The following KNDC1 variants were observed in gnomAD, a reference collection of about 807,000 sequenced individuals.
The protein encoded by KNDC1 is kinase non-catalytic C-lobe domain containing 1.
A neutral mutation model predicts 172.8 loss-of-function variants in KNDC1; 106 were observed. The observed-to-expected ratio is 0.61, with a 90% CI of 0.52 to 0.72. The LOEUF (loss-of-function observed/expected upper bound fraction) is 0.72, where lower values mean the gene tolerates loss of function less well. KNDC1 is among the 30% of genes least tolerant of loss of function. The pLI, the probability that KNDC1 is intolerant of heterozygous loss-of-function variation, is 0.00. For missense variants in KNDC1, 2,325 were observed against 2,394.5 expected (o/e 0.97, Z 0.61); for synonymous variants, 1,083 against 1,062.2 (o/e 1.02, Z -0.38).
chr10:133,202,338 C>A, intron 17 of KNDC1: 1 of 464,050 alleles, frequency 2.2e-6, no homozygotes, highest in Non-Finnish European at 4.3e-6. Context: ...GTCGCTGCAG[C>A]CTGGTCCGGG....
At chr10:133,194,956 C>T (rs1277217442) in intron 9 of KNDC1, among the ~76,000 whole-genome samples, 1 of 152,176 alleles carries the variant, frequency 6.6e-6, no homozygotes, top group African/African-American at 2.4e-5. Flanking sequence ...GAGGGGTGCC[C>T]CGAATTCCAG....
At chr10:133,200,597 G>A in intron 16 of KNDC1, 137 bp downstream of exon 16, 1 of 697,606 alleles carries the variant, frequency 1.4e-6, no homozygotes, top group Non-Finnish European at 2.1e-6. Flanking sequence ...CCCCGGGGGT[G>A]CCCAGCCAAA....
chr10:133,207,124 C>T lies in KNDC1; in HGVS notation c.3580-13C>T, dbSNP rs1293302759. 6 of 1,572,582 alleles carry T rather than the reference C, an allele frequency of 3.8e-6. No individual in the cohort carries two copies. The African/African-American group carries it at 8.1e-5, about 21-fold the overall frequency. ...GGGCAGAGTGACCAAGCGCCCGTGT[C>T]CCGCTCCGGCAGGTCATGTACGCGG... On this transcript the variant is annotated splice_polypyrimidine_tract_variant and intron_variant, in intron 19 of 29. Coordinates refer to ENST00000304613, the MANE Select transcript of KNDC1 (RefSeq NM_152643.8).
At chr10:133,199,292 G>C in intron 14 of KNDC1, 26 bp downstream of exon 14, 3 of 1,541,872 alleles carry the variant, frequency 1.9e-6, no homozygotes, top group Non-Finnish European at 2.6e-6. Context: ...AGACGCCCCA[G>C]AGGAGGCCCG....
intron 1 of KNDC1, among the ~76,000 whole-genome samples, chr10:133,162,025 C>G (rs1191073213): frequency 6.6e-6 from 1 of 152,210 alleles, no homozygotes; most frequent in African/African-American, 2.4e-5. Flanking sequence ...GCCGGCCGGA[C>G]AGCTCCCGGC....
At chr10:133,162,018 G>C (rs921768342) in intron 1 of KNDC1, among the ~76,000 whole-genome samples, 1 of 152,160 alleles carries the variant, frequency 6.6e-6, no homozygotes, top group African/African-American at 2.4e-5. Context: ...TCCTCGGGCC[G>C]GCCGGACAGC....
intron 10 of KNDC1, 113 bp from the exon 11 acceptor site, chr10:133,196,945 C>A: frequency 1.2e-6 from 1 of 803,092 alleles, no homozygotes; most frequent in Non-Finnish European, 2.1e-6. Context: ...TGAGAACAAA[C>A]AGGAAACCCT....
chr10:133,180,874 G>T (rs189890249), intron 3 of KNDC1, among the ~76,000 whole-genome samples: 1 of 152,380 alleles, frequency 6.6e-6, no homozygotes, highest in East Asian at 1.9e-4. Flanking sequence ...TTACAAAAAT[G>T]CAAATTAACT....
chr10:133,198,858 G>A lies in KNDC1; in HGVS notation c.2350G>A (p.Ala784Thr), dbSNP rs369712730. The part of the protein sequence containing the change: ...SSAAPGSPVP[A>T]PPTKASALPV... ...GGCAGCTCCCGGCTCTCCAGTCCCC[G>A]CCCCGCCCACGAAGGCATCTGCGCT... The change falls in exon 14 of 30, where the codon GCC becomes ACC. Residue 784 changes from alanine to threonine, a missense_variant. By Grantham distance (58) the Ala-to-Thr change is moderately conservative (BLOSUM62 0). Transcript: ENST00000304613. 6.1e-5 allele frequency: 98 copies of A among 1,598,346 alleles called. 1 individual carries two copies. Among genetic ancestry groups the A allele is most frequent in the South Asian group, 5.4e-4 (48 of 89,700 alleles).
rs1442223583 is a variant in KNDC1, at chr10:133,200,478, C to G, written c.2989+18C>G. 3.3e-6 allele frequency: 5 copies of G among 1,509,054 alleles called. No homozygotes were observed. In the Admixed American group the frequency reaches 1.1e-4, roughly 33 times the overall value. 93.5% of individuals were successfully genotyped at this position (1,509,054 alleles called of 1,614,324 possible). On this transcript the variant is annotated intron_variant, in intron 16 of 29. Transcript: ENST00000304613. ...CCGCCTGGGTAAGTGCTGGGCGGGC[C>G]CCGCGGCAGGAGCTCTGCTGGGCGG...
chr10:133,188,297 T>C (rs1853977036), intron 6 of KNDC1, among the ~76,000 whole-genome samples: 1 of 152,172 alleles, frequency 6.6e-6, no homozygotes, highest in South Asian at 2.1e-4. Context: ...GGCAGCACTG[T>C]CGTCTGCAGT....
intron 26 of KNDC1, among the ~76,000 whole-genome samples, chr10:133,215,488 G>C (rs780767242): frequency 5.9e-5 from 9 of 152,258 alleles, no homozygotes; most frequent in Non-Finnish European, 1.0e-4. Flanking sequence ...CCAGCACGGG[G>C]CGTGGGAACA....
At position 133,183,348 on chromosome 10, in the gene KNDC1, A is replaced by G; in HGVS notation, c.365A>G (p.His122Arg). Residue 122 changes from histidine (H) to arginine (R), a missense_variant, in exon 4 of 30, where the codon CAC becomes CGC. His to Arg is a conservative substitution (Grantham distance 29, BLOSUM62 0). Coordinates refer to ENST00000304613, the MANE Select transcript of KNDC1 (RefSeq NM_152643.8). ...FDVTGNTFEA[H>R]IYSLGATLKA... is the part of the protein sequence containing the mutation. ...GACAGCCTGTCGTGCCCACAGGCGC[A>G]CATCTACTCTCTGGGGGCCACGCTG... 6.3e-7 allele frequency: 1 copy of G among 1,593,314 alleles called. No individual in the cohort carries two copies. Among genetic ancestry groups the G allele is most frequent in the Non-Finnish European group, 8.5e-7 (1 of 1,170,870 alleles).
At chr10:133,202,891 C>T (rs1289146344) in intron 17 of KNDC1, among the ~76,000 whole-genome samples, 1 of 152,218 alleles carries the variant, frequency 6.6e-6, no homozygotes, top group East Asian at 1.9e-4. Flanking sequence ...ACGCAAAGGC[C>T]GCCCCCGGGG....
chr10:133,197,198 C>T, intron 11 of KNDC1, 63 bp downstream of exon 11: 1 of 1,358,814 alleles, frequency 7.4e-7, no homozygotes, highest in Admixed American at 1.9e-5. Context: ...CTCCTGGACG[C>T]ACTTGCCCTT....
In KNDC1 at chr10:133,197,706, A is replaced by C; in HGVS notation, c.1844A>C (p.Gln615Pro). The C allele has an allele frequency of 4.3e-6, 7 of 1,613,412 alleles. No individual in the cohort carries two copies. The highest frequency in any genetic ancestry group is 5.9e-6 in the Non-Finnish European group (7 of 1,179,872). The change falls in exon 12 of 30, where the codon CAA (glutamine) becomes CCA (proline). Residue 615 changes from glutamine (Q) to proline (P), a missense_variant. Gln to Pro is a moderately conservative substitution (Grantham distance 76, BLOSUM62 -1). Coordinates refer to ENST00000304613, the MANE Select transcript of KNDC1 (RefSeq NM_152643.8). ...CAGGAGGAAGAGACCATCAGCCTCC[A>C]AAACGCCTTCTCAGTGGTTGAACTG... ...VYQEEETISL[Q>P]NAFSVVELKP...
At chr10:133,177,620 A>C (rs553981582) in intron 3 of KNDC1, among the ~76,000 whole-genome samples, 1 of 151,836 alleles carries the variant, frequency 6.6e-6, no homozygotes, top group East Asian at 1.9e-4. Context: ...GTGCATGCAC[A>C]TAGTGTGTTG....
At position 133,188,528 on chromosome 10, in the gene KNDC1, C is replaced by T; in HGVS notation, c.1327-11C>T. 1 of 1,538,658 alleles carries T rather than the reference C, an allele frequency of 6.5e-7. No homozygotes were observed. The highest frequency in any genetic ancestry group is 8.8e-7 in the Non-Finnish European group (1 of 1,136,338). On this transcript the variant is annotated splice_polypyrimidine_tract_variant and intron_variant, in intron 6 of 29. Coordinates refer to ENST00000304613, the MANE Select transcript of KNDC1 (RefSeq NM_152643.8). ...GTGTCCACACTGACCTCGCCGCTCTCCTGCCCACAGTGGGTGTCCCTGCAG... is the reference window on the plus strand; with the variant it reads ...GTGTCCACACTGACCTCGCCGCTCTTCTGCCCACAGTGGGTGTCCCTGCAG...
Position 133,183,572 on chromosome 10 carries a change from C to A in KNDC1, c.507+82C>A, listed in dbSNP as rs566015234. ...ACACCGTGTGCTCACCACACCCACG[C>A]CCAGCAGCCTCACCTGGGTTCCGCA... On this transcript the variant is annotated intron_variant, in intron 4 of 29. Coordinates refer to ENST00000304613, the MANE Select transcript of KNDC1 (RefSeq NM_152643.8). The A allele has an allele frequency of 3.5e-6, 5 of 1,417,222 alleles. No individual in the cohort carries two copies. In the East Asian group the frequency reaches 7.5e-5, roughly 21 times the overall value. 87.8% of individuals were successfully genotyped at this position (1,417,222 alleles called of 1,614,324 possible).
Sources: allele counts gnomAD v4.1 joint callset (sites outside exome capture counted in the v4.1 genomes callset), GRCh38; gene constraint gnomAD v4.1.1; transcripts MANE v1.5; gene names NCBI Gene and HGNC (gene_info 2026-07-23, HGNC 2026-07-21).